Variants in FAM171A1 observed in about 807,000 individuals in gnomAD.
FAM171A1 encodes protein FAM171A1.
FAM171A1 carries 23 observed loss-of-function variants against 74.9 expected under a neutral mutation model. The observed-to-expected ratio is 0.31, with a 90% confidence interval of 0.22 to 0.44. The LOEUF (loss-of-function observed/expected upper bound fraction) is 0.44. Among genes scored for constraint, FAM171A1 ranks in the 20% least tolerant of loss-of-function variants. The pLI, the probability that FAM171A1 is intolerant of heterozygous loss-of-function variation, is 1.00. For missense variants in FAM171A1, 1,162 were observed against 1,159.2 expected (o/e 1.00, Z -0.03); for synonymous variants, 527 against 505.7 (o/e 1.04, Z -0.57).
At chr10:15,361,104 A>C (rs1212155879) in intron 1 of FAM171A1, among the ~76,000 whole-genome samples, 1 of 152,236 alleles carries the variant, frequency 6.6e-6, no homozygotes, top group Non-Finnish European at 1.5e-5. Flanking sequence ...ATAAAATATG[A>C]TTAATTATAA....
intron 1 of FAM171A1, among the ~76,000 whole-genome samples, chr10:15,293,077 C>T (rs982864040): frequency 2.6e-5 from 4 of 152,126 alleles, no homozygotes; most frequent in Admixed American, 1.3e-4. Flanking sequence ...TATTATTAAA[C>T]TCTACCAGAT....
chr10:15,306,849 C>T (rs182008471), intron 1 of FAM171A1, among the ~76,000 whole-genome samples: 2 of 152,320 alleles, frequency 1.3e-5, no homozygotes, highest in East Asian at 1.9e-4. Context: ...TAGGTCCTAT[C>T]CACCTTCTCA....
chr10:15,218,640 G>T (rs954406486), intron 6 of FAM171A1, among the ~76,000 whole-genome samples: 1 of 152,060 alleles, frequency 6.6e-6, no homozygotes, highest in Admixed American at 6.5e-5. Flanking sequence ...TGTCACCTAC[G>T]CTGGAGTGCA....
intron 1 of FAM171A1, among the ~76,000 whole-genome samples, chr10:15,304,499 C>A (rs1835269957): frequency 1.3e-5 from 2 of 152,150 alleles, no homozygotes; most frequent in South Asian, 4.1e-4. Flanking sequence ...GCCCCAGAAC[C>A]CATCAAAATT....
chr10:15,288,604 C>T (rs1055683739), intron 1 of FAM171A1, among the ~76,000 whole-genome samples: 3 of 152,124 alleles, frequency 2.0e-5, no homozygotes, highest in African/African-American at 4.8e-5. Flanking sequence ...AAGGCAAAAA[C>T]TGCTGAGATT....
chr10:15,217,143 T>C (rs539823123), intron 6 of FAM171A1, among the ~76,000 whole-genome samples: 8 of 152,340 alleles, frequency 5.3e-5, no homozygotes, highest in Non-Finnish European at 1.2e-4. Context: ...GTTTATGTTG[T>C]AAAAAATCCC....
At chr10:15,311,310 A>G (rs1189195314) in intron 1 of FAM171A1, among the ~76,000 whole-genome samples, 2 of 152,076 alleles carry the variant, frequency 1.3e-5, no homozygotes, top group Admixed American at 1.3e-4. Context: ...AGGATTGTCT[A>G]TTTTTGCATT....
In FAM171A1 at chr10:15,245,712, C is replaced by T. The variant is rs1834424094; in HGVS notation, c.754+2927G>A. ...CCCAGACTCCCTGCTCTTAACCACA[C>T]TCTCCGCTGCTTCTCAGTGCATTGA... is the stretch of plus-strand genomic sequence containing the variant. On this transcript the variant is annotated intron_variant, in intron 5 of 7. Coordinates refer to ENST00000378116, the MANE Select transcript of FAM171A1 (RefSeq NM_001010924.2). Among the ~76,000 whole-genome samples the T allele has an allele frequency of 1.3e-5, 2 of 152,146 alleles. 1 individual carries two copies. Among genetic ancestry groups the T allele is most frequent in the South Asian group, 4.1e-4 (2 of 4,834 alleles).
intron 1 of FAM171A1, among the ~76,000 whole-genome samples, chr10:15,303,809 G>A (rs1835261527): frequency 6.6e-6 from 1 of 152,194 alleles, no homozygotes; most frequent in African/African-American, 2.4e-5. Flanking sequence ...AGAGTTGCAG[G>A]ATCAGTGACG....
intron 5 of FAM171A1, among the ~76,000 whole-genome samples, chr10:15,229,488 AC>A (rs1159703311): frequency 2.0e-5 from 3 of 148,500 alleles, no homozygotes; most frequent in Non-Finnish European, 3.0e-5. Flanking sequence ...TCACCCCATC[AC>A]CATAATCACC....
At position 15,216,026 on chromosome 10, in the gene FAM171A1, A is replaced by T; in HGVS notation, c.956T>A (p.Val319Asp). The change falls in exon 7 of 8, where the codon GTT (valine) becomes GAT (aspartate). Residue 319 changes from valine to aspartate, a missense_variant. By Grantham distance (152) the Val-to-Asp change is radical (BLOSUM62 -3). Transcript: ENST00000378116. ...ILGGMAFILL[V>D]LLCLLLYYCR... is the part of the protein sequence containing the mutation. ...ATAATATAAAAGGAGACACAGCAAA[A>T]CCAAAAGTATGAAAGCCATTCCTCC... 6.2e-7 allele frequency: 1 copy of T among 1,609,926 alleles called. No homozygotes were observed. The highest frequency in any genetic ancestry group is 8.5e-7 in the Non-Finnish European group (1 of 1,179,274).
intron 6 of FAM171A1, among the ~76,000 whole-genome samples, chr10:15,216,321 G>A (rs192775085): frequency 3.7e-4 from 56 of 152,226 alleles, no homozygotes; most frequent in South Asian, 6.2e-4. Context: ...CCACAGCCAG[G>A]AGAACTTTGA....
chr10:15,237,462 C>T (rs74411649), intron 5 of FAM171A1: 52 of 152,268 alleles, frequency 3.4e-4, no homozygotes, highest in African/African-American at 1.3e-3. Context: ...CTAGGCAACA[C>T]TGAAAAACAA....
intron 5 of FAM171A1, among the ~76,000 whole-genome samples, chr10:15,244,378 G>C (rs1207700706): frequency 6.6e-6 from 1 of 152,064 alleles, no homozygotes; most frequent in Non-Finnish European, 1.5e-5. Context: ...AAATTAGCTA[G>C]GCCTGGTGAC....
intron 1 of FAM171A1, among the ~76,000 whole-genome samples, chr10:15,331,859 G>GTGTATACA (rs60559617): frequency 0.073 from 3,175 of 43,356 alleles, 244 homozygotes; most frequent in African/African-American, 0.095. Flanking sequence ...ATATATGTGT[G>GTGTATACA]TATATATATG....
chr10:15,281,575 A>G (rs1487554968), intron 2 of FAM171A1, among the ~76,000 whole-genome samples: 1 of 152,180 alleles, frequency 6.6e-6, no homozygotes, highest in Non-Finnish European at 1.5e-5. Context: ...AATAGTACAG[A>G]TATCAGCCGG....
At chr10:15,314,845 G>A (rs1835404124) in intron 1 of FAM171A1, among the ~76,000 whole-genome samples, 1 of 152,168 alleles carries the variant, frequency 6.6e-6, no homozygotes, top group Admixed American at 6.5e-5. Context: ...TGACTTCCAA[G>A]CCAGCACCCC....
At chr10:15,321,120 T>C (rs1369984459) in intron 1 of FAM171A1, among the ~76,000 whole-genome samples, 2 of 152,222 alleles carry the variant, frequency 1.3e-5, no homozygotes, top group Non-Finnish European at 2.9e-5. Context: ...TCAAGTTTGC[T>C]ACTGGGGAAA....
At position 15,267,601 on chromosome 10, in the gene FAM171A1, C is replaced by CAAAAA. The variant is rs71390026; in HGVS notation, c.418+8249_418+8253dup. Among the ~76,000 whole-genome samples, 96 of 53,374 alleles carry CAAAAA rather than the reference C, an allele frequency of 1.8e-3. 1 individual carries two copies. Among genetic ancestry groups the CAAAAA allele is most frequent in the Non-Finnish European group, 2.3e-3 (77 of 33,410 alleles). 35.0% of individuals were successfully genotyped at this position (53,374 alleles called of 152,430 possible). A position where few individuals can be genotyped will look rare whatever the true frequency, so the allele number is the denominator to read the frequency against. On this transcript the variant is annotated intron_variant, in intron 3 of 7. Transcript: ENST00000378116. ...CTGGCAACAGAGCGAGACACCATCG[C>CAAAAA]AAAAAAAAAAAAAAAAAAAAAAAAA...
Sources: allele counts gnomAD v4.1 joint callset (sites outside exome capture counted in the v4.1 genomes callset), GRCh38; gene constraint gnomAD v4.1.1; transcripts MANE v1.5; gene names NCBI Gene and HGNC (gene_info 2026-07-23, HGNC 2026-07-21).